TCF20: variants seen among roughly 807,000 people sequenced by gnomAD.
The protein encoded by TCF20 is SPRE-binding protein.
TCF20 carries 3 observed loss-of-function variants against 148.6 expected under a neutral mutation model. The observed-to-expected ratio is 0.02, with a 90% CI of 0.01 to 0.05. The LOEUF is 0.05. TCF20 is among the 10% of genes least tolerant of loss of function. The pLI is 1.00. For missense variants in TCF20, 2,350 were observed against 2,429.3 expected, an observed-to-expected ratio of 0.97 and a Z score of 0.69; for synonymous variants, 1,049 against 909.5, an observed-to-expected ratio of 1.15 and a Z score of -2.76.
intron 1 of TCF20, among the ~76,000 whole-genome samples, chr22:42,244,089 A>C (rs994951305): frequency 1.3e-5 from 2 of 152,234 alleles, no homozygotes; most frequent in Admixed American, 6.5e-5. Flanking sequence ...CTGTAATCCC[A>C]GCTATTTGGG....
upstream of TCF20, among the ~76,000 whole-genome samples, chr22:42,275,367 G>A (rs1926754144): frequency 1.3e-5 from 2 of 152,284 alleles, no homozygotes; most frequent in South Asian, 4.1e-4. Flanking sequence ...CCCCACAGGT[G>A]AGCAGAGAGC....
At position 42,215,198 on chromosome 22, in the gene TCF20, C is replaced by G. The variant is rs1300601222; in HGVS notation, c.108G>C (p.Gln36His). 3.7e-6 allele frequency: 6 copies of G among 1,614,082 alleles called. No individual in the cohort carries two copies. In the African/African-American group the frequency reaches 5.3e-5, roughly 14 times the overall value. ...CTGTACCTCCAAAATTCTGGAACATCTGGGCCTGACGAGGGCTGAACTCTT... is the reference window on the plus strand; with the variant it reads ...CTGTACCTCCAAAATTCTGGAACATGTGGGCCTGACGAGGGCTGAACTCTT... ...RLEEFSPRQA[Q>H]MFQNFGGTGG... Residue 36 changes from glutamine to histidine, a missense_variant, in exon 2 of 6, where the codon CAG becomes CAC. Gln to His is a conservative substitution (Grantham distance 24). Around this residue, in one of 7 missense-constraint regions of TCF20, gnomAD observed 1,641 missense variants for 1,662.6 expected, o/e 0.99. Transcript: ENST00000677622.
chr22:42,194,357 G>T (rs1466158781), intron 2 of TCF20, among the ~76,000 whole-genome samples: 1 of 152,232 alleles, frequency 6.6e-6, no homozygotes, highest in Non-Finnish European at 1.5e-5. Flanking sequence ...CTTCAATGAA[G>T]AACGGTTTCT....
At chr22:42,326,183 GC>G (rs1000529223) in intron 1 of TCF20, among the ~76,000 whole-genome samples, 2 of 152,094 alleles carry the variant, frequency 1.3e-5, no homozygotes, top group African/African-American at 4.8e-5. Flanking sequence ...TAATGGCTGA[GC>G]CCCTGCCTTG....
In TCF20 at chr22:42,212,471, CTTG is replaced by C. The variant is rs779230348; in HGVS notation, c.2832_2834del (p.Asn944del). The C allele has an allele frequency of 9.9e-6, 16 of 1,614,100 alleles. No homozygotes were observed. Among genetic ancestry groups the C allele is most frequent in the Admixed American group, 1.7e-5 (1 of 60,010 alleles). On this transcript the variant is annotated inframe_deletion, in exon 2 of 6. Transcript: ENST00000677622. ...GAGGATGGCAGTGGTCTCCAGATTT[CTTG>C]TTGTTGAAACTAGCTTGAGATTTAG...
chr22:42,335,229 G>A lies in TCF20; in HGVS notation c.-37+8250C>T, dbSNP rs182608482. Among the ~76,000 whole-genome samples the A allele has an allele frequency of 2.7e-4, 41 of 152,136 alleles. 1 individual carries two copies. Among genetic ancestry groups the A allele is most frequent in the Non-Finnish European group, 5.3e-4 (36 of 67,970 alleles). ...GAGTCCCACTTGGGATGCTCTCCCCGCACACCTCCCATGGCTGGCACCTTC... is the reference window on the plus strand; with the variant it reads ...GAGTCCCACTTGGGATGCTCTCCCCACACACCTCCCATGGCTGGCACCTTC... On this transcript the variant is annotated intron_variant, in intron 1 of 1. Transcript: ENST00000515426.
chr22:42,193,800 T>C (rs1160720612), intron 2 of TCF20, among the ~76,000 whole-genome samples: 2 of 152,208 alleles, frequency 1.3e-5, no homozygotes, highest in Non-Finnish European at 2.9e-5. Flanking sequence ...GGATAAAATA[T>C]GACCTAAAAG....
intron 1 of TCF20, among the ~76,000 whole-genome samples, chr22:42,244,521 G>A (rs1482289591): frequency 6.6e-6 from 1 of 152,164 alleles, no homozygotes; most frequent in South Asian, 2.1e-4. Flanking sequence ...CGCGCTAAGT[G>A]AAAGAAGTCA....
Position 42,315,049 on chromosome 22 carries a change from A to T in TCF20, c.-37+28430T>A, listed in dbSNP as rs7286736. On this transcript the variant is annotated intron_variant, in intron 1 of 1. Transcript: ENST00000515426. ...GGCAGGAAATTGGATCTGATGACAC[A>T]AAGCCAGTTTTCACACAATTTTTCA... is the stretch of plus-strand genomic sequence containing the variant. Among the ~76,000 whole-genome samples, 286 of 151,852 alleles carry T rather than the reference A, an allele frequency of 1.9e-3. 1 individual carries two copies. Among genetic ancestry groups the T allele is most frequent in the Middle Eastern group, 0.014 (4 of 294 alleles).
Position 42,161,247 on chromosome 22 carries a change from T to TGGGCAGGCAC in TCF20, c.*146_*155dup, listed in dbSNP as rs1935434404. On this transcript the variant is annotated 3_prime_UTR_variant, in exon 6 of 6. Coordinates refer to ENST00000677622, the MANE Select transcript of TCF20 (RefSeq NM_001378418.1). ...GTGAGAACTTAAGGAAGTGCTGGCATGGGCAGGCACGCGGGCGGGGCGGGG... is the reference window on the plus strand; with the variant it reads ...GTGAGAACTTAAGGAAGTGCTGGCATGGGCAGGCACGGGCAGGCACGCGGGCGGGGCGGGG... 6 of 1,341,058 alleles carry TGGGCAGGCAC rather than the reference T, an allele frequency of 4.5e-6. No homozygotes were observed. Among genetic ancestry groups the TGGGCAGGCAC allele is most frequent in the Non-Finnish European group, 6.0e-6 (6 of 1,006,872 alleles). 83.1% of individuals were successfully genotyped at this position (1,341,058 alleles called of 1,614,324 possible).
intron 1 of TCF20, among the ~76,000 whole-genome samples, chr22:42,252,822 A>G (rs186854015): frequency 2.6e-5 from 4 of 152,284 alleles, no homozygotes; most frequent in Admixed American, 2.6e-4. Context: ...AATTATCCCT[A>G]TATATAAAAC....
intron 2 of TCF20, among the ~76,000 whole-genome samples, chr22:42,192,073 G>C (rs1285104517): frequency 2.0e-5 from 3 of 152,092 alleles, no homozygotes; most frequent in Non-Finnish European, 4.4e-5. Context: ...ATCTAAAAAG[G>C]CATCTTTTTA....
intron 4 of TCF20, among the ~76,000 whole-genome samples, chr22:42,169,272 G>A (rs571160324): frequency 2.6e-5 from 4 of 152,146 alleles, no homozygotes; most frequent in African/African-American, 9.6e-5. Flanking sequence ...TCCACAAACA[G>A]ACCATTCACC....
At position 42,211,581 on chromosome 22, in the gene TCF20, T is replaced by C; in HGVS notation, c.3725A>G (p.Gln1242Arg). Reference sequence around the variant, plus strand: ...GGGGTTTTGAGAAGAATGATCCTCCTGGCCTGGAAGTCTCAGCATAACACT... The same window carrying C: ...GGGGTTTTGAGAAGAATGATCCTCCCGGCCTGGAAGTCTCAGCATAACACT... The part of the protein sequence containing the change: ...PGSVMLRLPG[Q>R]EDHSSQNPLI... The change falls in exon 2 of 6, where the codon CAG (glutamine) becomes CGG (arginine). Residue 1242 changes from glutamine to arginine, a missense_variant. Transcript: ENST00000677622. 1.2e-6 allele frequency: 2 copies of C among 1,614,248 alleles called. No homozygotes were observed. Among genetic ancestry groups the C allele is most frequent in the South Asian group, 1.1e-5 (1 of 91,086 alleles).
At chr22:42,200,326 C>T (rs565828800) in intron 2 of TCF20, among the ~76,000 whole-genome samples, 20 of 152,218 alleles carry the variant, frequency 1.3e-4, no homozygotes, top group African/African-American at 4.8e-4. Context: ...CTTTCCCAAA[C>T]CTGCTGCATC....
intron 2 of TCF20, among the ~76,000 whole-genome samples, chr22:42,207,294 C>T (rs959055190): frequency 1.3e-5 from 2 of 151,912 alleles, no homozygotes; most frequent in Admixed American, 1.3e-4. Context: ...GCTTTTAGGA[C>T]GCTGGCAGCC....
chr22:42,297,554 G>C lies in TCF20; in HGVS notation c.-37+45925C>G, dbSNP rs1601697497. Among the ~76,000 whole-genome samples the C allele has an allele frequency of 6.6e-6, 1 of 152,206 alleles. No homozygotes were observed. The highest frequency in any genetic ancestry group is 1.5e-5 in the Non-Finnish European group (1 of 68,030). On this transcript the variant is annotated intron_variant, in intron 1 of 1. Coordinates refer to the TCF20 transcript ENST00000515426. This position sits in a 1 kb window ranked among gnomAD's most constrained non-coding sequence, Gnocchi z 4.3. ...GCTGGGCTGGAGGGGCCAGACACTG[G>C]GGAGGGGCAGTTCACAGGGTCAGCC...
intron 1 of TCF20, among the ~76,000 whole-genome samples, chr22:42,327,550 C>T (rs542530183): frequency 1.3e-5 from 2 of 152,224 alleles, no homozygotes; most frequent in South Asian, 2.1e-4. Flanking sequence ...CAGGGCACCT[C>T]GCACAGACAC....
intron 1 of TCF20, among the ~76,000 whole-genome samples, chr22:42,253,937 G>A (rs186692075): frequency 6.6e-6 from 1 of 152,190 alleles, no homozygotes; most frequent in East Asian, 1.9e-4. Flanking sequence ...TTAGCCGGGT[G>A]TAGTGGCGCA....
Sources: allele counts gnomAD v4.1 joint callset (sites outside exome capture counted in the v4.1 genomes callset), GRCh38; gene constraint gnomAD v4.1.1; regional missense constraint gnomAD v4.1.1; non-coding constraint Gnocchi (gnomAD v3.1); transcripts MANE v1.5; gene names NCBI Gene and HGNC (gene_info 2026-07-23, HGNC 2026-07-21).